RTL4: variants seen among roughly 807,000 people sequenced by gnomAD.
The protein encoded by RTL4 is retrotransposon Gag-like protein 4.
RTL4 carries 4 observed loss-of-function variants against 5.3 expected under a neutral mutation model. The observed-to-expected ratio is 0.75, with a 90% CI of 0.37 to 1.72. The LOEUF is 1.72. Among genes scored for constraint, RTL4 ranks in the 40% most tolerant of loss-of-function variants. RTL4 has a pLI of 0.04. For synonymous variants in RTL4, 98 were observed against 87.3 expected, an observed-to-expected ratio of 1.12 and a Z score of -0.68; for missense variants, 260 against 227.1, an observed-to-expected ratio of 1.14 and a Z score of -0.93.
chrX:112,117,284 T>C, the RTL4 span, among the ~76,000 whole-genome samples: 1 of 108,457 alleles, frequency 9.2e-6, no homozygotes, highest in Non-Finnish European at 1.9e-5. Flanking sequence ...ATATGGTAAA[T>C]ACAAAATTTG....
the RTL4 span, among the ~76,000 whole-genome samples, chrX:112,272,708 G>A: frequency 9.2e-6 from 1 of 109,004 alleles, no homozygotes; most frequent in South Asian, 3.8e-4. Context: ...TTTAAGTTGA[G>A]ACAATTAAAT....
the RTL4 span, among the ~76,000 whole-genome samples, chrX:112,210,011 T>G: frequency 8.9e-6 from 1 of 112,022 alleles, no homozygotes; most frequent in Non-Finnish European, 1.9e-5. Flanking sequence ...TTGGATCTGC[T>G]GGGTCATATG....
chrX:112,124,057 A>C, the RTL4 span, among the ~76,000 whole-genome samples: 2 of 112,336 alleles, frequency 1.8e-5, no homozygotes, highest in Non-Finnish European at 3.8e-5. Context: ...GAAGACATAC[A>C]TATGAAAAAA....
At chrX:112,416,698 G>T in the RTL4 span, among the ~76,000 whole-genome samples, 6 of 112,096 alleles carry the variant, frequency 5.4e-5, no homozygotes, top group Admixed American at 9.5e-5. Context: ...CTGCAGATAG[G>T]CTGCAGTATT....
rs778427105 is a variant in RTL4 at position 112,455,539 on chromosome X, C to T, written c.811C>T (p.Arg271Ter). The T allele has an allele frequency of 4.9e-5, 59 of 1,209,528 alleles. No individual in the cohort carries two copies. Among genetic ancestry groups the T allele is most frequent in the Non-Finnish European group, 5.9e-5 (53 of 895,221 alleles). Reference sequence around the variant, plus strand: ...CCAGCTGCCTCTCACCCCAGCCAAACGAGCCCGCCAGCAAGAAACTCAGTT... The same window carrying T: ...CCAGCTGCCTCTCACCCCAGCCAAATGAGCCCGCCAGCAAGAAACTCAGTT... The change falls in exon 1 of 1, where the codon CGA becomes TGA. Residue 271 changes from arginine to a stop codon, truncating the protein, a stop_gained. Coordinates refer to ENST00000340433, the Ensembl canonical transcript of RTL4. LOFTEE classifies it high-confidence loss of function.
chrX:112,262,244 G>A, the RTL4 span, among the ~76,000 whole-genome samples: 2 of 111,914 alleles, frequency 1.8e-5, no homozygotes, highest in Middle Eastern at 4.2e-3. Flanking sequence ...ACTACCATCA[G>A]AGTGAACGGG....
chrX:112,216,887 G>A, the RTL4 span, among the ~76,000 whole-genome samples: 4 of 112,000 alleles, frequency 3.6e-5, no homozygotes, highest in Admixed American at 3.8e-4. Flanking sequence ...TTATTCCAAA[G>A]TCTTTGGCTT....
the RTL4 span, among the ~76,000 whole-genome samples, chrX:112,169,083 CT>C: frequency 0.094 from 3,837 of 40,836 alleles, 157 homozygotes; most frequent in East Asian, 0.14. Flanking sequence ...TTCTTTCTTT[CT>C]TTTCTTTCTT....
At chrX:112,234,049 G>A in the RTL4 span, among the ~76,000 whole-genome samples, 5 of 109,827 alleles carry the variant, frequency 4.6e-5, no homozygotes, top group South Asian at 8.1e-4. Context: ...AAAATTAGCC[G>A]GGCATGGTGG....
At chrX:112,391,987 C>T in the RTL4 span, among the ~76,000 whole-genome samples, 1 of 111,432 alleles carries the variant, frequency 9.0e-6, no homozygotes, top group Admixed American at 9.5e-5. Flanking sequence ...GGGCTCAAGC[C>T]AGGAGTTCCC....
the RTL4 span, among the ~76,000 whole-genome samples, chrX:112,443,094 C>T: frequency 8.9e-6 from 1 of 111,868 alleles, no homozygotes; most frequent in East Asian, 2.8e-4. Flanking sequence ...CTACCCTTCC[C>T]AAACTCTGGT....
the RTL4 span, among the ~76,000 whole-genome samples, chrX:112,186,838 T>G: frequency 8.9e-6 from 1 of 112,269 alleles, no homozygotes; most frequent in Non-Finnish European, 1.9e-5. Context: ...CCCTTACCTT[T>G]CTGCATTCTT....
chrX:112,252,053 A>G, the RTL4 span, among the ~76,000 whole-genome samples: 2 of 111,748 alleles, frequency 1.8e-5, no homozygotes, highest in Non-Finnish European at 3.8e-5. Flanking sequence ...GGACGATTTG[A>G]GTGGAACCCT....
chrX:112,447,758 T>A, the RTL4 span, among the ~76,000 whole-genome samples: 1 of 111,939 alleles, frequency 8.9e-6, no homozygotes, highest in Admixed American at 9.5e-5. Context: ...CATTATAAGG[T>A]TGCTTCTGCC....
At chrX:112,280,226 C>T in the RTL4 span, among the ~76,000 whole-genome samples, 1 of 111,387 alleles carries the variant, frequency 9.0e-6, no homozygotes, top group Admixed American at 9.6e-5. Context: ...GAAAACCAAA[C>T]ATCACATGTT....
At chrX:112,169,081 T>C in the RTL4 span, among the ~76,000 whole-genome samples, 1 of 41,461 alleles carries the variant, frequency 2.4e-5, no homozygotes, top group Non-Finnish European at 4.9e-5. Flanking sequence ...TTTTCTTTCT[T>C]TCTTTTCTTT....
chrX:112,342,378 A>G, the RTL4 span, among the ~76,000 whole-genome samples: 2 of 111,530 alleles, frequency 1.8e-5, no homozygotes, highest in South Asian at 7.6e-4. Flanking sequence ...AGGCACTGGA[A>G]TTTTCAAAAA....
chrX:112,164,025 A>C, the RTL4 span, among the ~76,000 whole-genome samples: 1 of 112,137 alleles, frequency 8.9e-6, no homozygotes, highest in African/African-American at 3.2e-5. Flanking sequence ...AACCTCAACT[A>C]TTCCATCAGT....
chrX:112,323,822 T>C, the RTL4 span, among the ~76,000 whole-genome samples: 1 of 112,446 alleles, frequency 8.9e-6, no homozygotes, highest in African/African-American at 3.2e-5. Flanking sequence ...TATCTATCTT[T>C]TGTTCTAAAG....
Sources: gnomAD v4.1 joint callset for allele counts (sites outside exome capture counted in the v4.1 genomes callset) on GRCh38, gnomAD v4.1.1 for gene constraint, MANE v1.5 for transcripts, NCBI Gene and HGNC (gene_info 2026-07-23, HGNC 2026-07-21) for gene names.